The following CLIP3 variants were observed in gnomAD, a reference collection of about 807,000 sequenced individuals.
The protein encoded by CLIP3 is CAP-Gly domain-containing linker protein 3.
CLIP3 carries 15 observed loss-of-function variants against 59.4 expected under a neutral mutation model. The ratio of observed to expected loss-of-function variants is 0.25; its 90% CI spans 0.17 to 0.39. CLIP3 has a LOEUF of 0.39. Among genes scored for constraint, CLIP3 ranks in the 10% least tolerant of loss-of-function variants. CLIP3 has a pLI of 1.00. For missense variants in CLIP3, 495 were observed against 765.7 expected, an observed-to-expected ratio of 0.65 and a Z score of 4.17; for synonymous variants, 300 against 321.6, an observed-to-expected ratio of 0.93 and a Z score of 0.72.
At chr19:36,019,481 G>C (rs1189359304) in intron 7 of CLIP3, 175 bp from the exon 8 acceptor site, 35 of 746,192 alleles carry the variant, frequency 4.7e-5, no homozygotes, top group Non-Finnish European at 6.6e-5. Context: ...AACTTCCTTT[G>C]CTGTGAAATG....
chr19:36,019,426 C>T, intron 7 of CLIP3, 120 bp from the exon 8 acceptor site: 1 of 1,199,782 alleles, frequency 8.3e-7, no homozygotes. Flanking sequence ...CCCCAGGTCA[C>T]ACATCACCAT....
intron 12 of CLIP3, 120 bp downstream of exon 12, chr19:36,017,266 C>A: frequency 1.9e-6 from 2 of 1,038,468 alleles, no homozygotes; most frequent in South Asian, 1.4e-5. Context: ...CATCATTTTC[C>A]TGGACCCTGT....
chr19:36,029,326 G>C (rs908281930), intron 2 of CLIP3, among the ~76,000 whole-genome samples: 3 of 124,786 alleles, frequency 2.4e-5, no homozygotes, highest in African/African-American at 6.6e-5. Flanking sequence ...AAAAAAAATA[G>C]GGTCTGTTGG....
At position 36,024,637 on chromosome 19, in the gene CLIP3, G is replaced by A; in HGVS notation, c.682-5C>T. The A allele has an allele frequency of 6.2e-7, 1 of 1,613,608 alleles. No individual in the cohort carries two copies. The highest frequency in any genetic ancestry group is 8.5e-7 in the Non-Finnish European group (1 of 1,179,720). ...CGGCACCTGTCCTTTTCGATTCTGG[G>A]GGCCAATGGGAAAAGAAGGCAGGGA... On this transcript the variant is annotated splice_polypyrimidine_tract_variant and splice_region_variant and intron_variant, in intron 6 of 13. Coordinates refer to ENST00000360535, the MANE Select transcript of CLIP3 (RefSeq NM_015526.3).
chr19:36,018,726 G>A (rs1379629838), intron 9 of CLIP3, among the ~76,000 whole-genome samples, 172 bp downstream of exon 9: 1 of 152,148 alleles, frequency 6.6e-6, no homozygotes, highest in Non-Finnish European at 1.5e-5. Context: ...CTAAGAACTA[G>A]GGGGTGCCAG....
intron 2 of CLIP3, among the ~76,000 whole-genome samples, chr19:36,030,204 C>T (rs113155914): frequency 6.6e-6 from 1 of 152,046 alleles, no homozygotes; most frequent in African/African-American, 2.4e-5. Flanking sequence ...TACAGGTACC[C>T]ACCATGCCTG....
intron 7 of CLIP3, 47 bp from the exon 8 acceptor site, chr19:36,019,353 C>T (rs1453500316): frequency 6.4e-7 from 1 of 1,570,962 alleles, no homozygotes. Context: ...TGCTGGGAGG[C>T]CAACGTGGAG....
At chr19:36,024,280 G>A in intron 7 of CLIP3, 116 bp downstream of exon 7, 1 of 802,368 alleles carries the variant, frequency 1.2e-6, no homozygotes. Context: ...GGATAGTTAG[G>A]GCGGCAAGTA....
chr19:36,031,571 C>T (rs1415614521), intron 2 of CLIP3, among the ~76,000 whole-genome samples: 1 of 152,094 alleles, frequency 6.6e-6, no homozygotes, highest in African/African-American at 2.4e-5. Context: ...TACCCTCCTA[C>T]CTCAGATCCT....
At chr19:36,019,676 C>T (rs959952267) in intron 7 of CLIP3, among the ~76,000 whole-genome samples, 1 of 151,104 alleles carries the variant, frequency 6.6e-6, no homozygotes, top group African/African-American at 2.4e-5. Flanking sequence ...GATCTCGGCT[C>T]ACTGCAAATT....
intron 2 of CLIP3, 143 bp from the exon 3 acceptor site, chr19:36,027,414 A>G: frequency 1.1e-6 from 1 of 870,560 alleles, no homozygotes; most frequent in South Asian, 2.6e-5. Context: ...GTCAACCCAC[A>G]GGCATTTTCT....
chr19:36,026,146 C>T lies in CLIP3; in HGVS notation c.681+1G>A. On this transcript the variant is annotated splice_donor_variant, in intron 6 of 13. Transcript: ENST00000360535. LOFTEE classifies it high-confidence loss of function. This position sits in a 1 kb window ranked among gnomAD's most constrained non-coding sequence, Gnocchi z 6.3. ...CGGGTTCTGGGCAAGGGTGGCAGTA[C>T]CCTCAGCGCAGGGTTGGCGCCGTGC... 1 of 1,610,260 alleles carries T rather than the reference C, an allele frequency of 6.2e-7. No homozygotes were observed. Among genetic ancestry groups the T allele is most frequent in the Non-Finnish European group, 8.5e-7 (1 of 1,177,046 alleles).
At chr19:36,019,073 C>T (rs576732771) in intron 8 of CLIP3, 47 bp from the exon 9 acceptor site, 26 of 1,589,948 alleles carry the variant, frequency 1.6e-5, no homozygotes, top group Admixed American at 1.5e-4. Context: ...CCTCTGCCCT[C>T]GGCCCCCATC....
In CLIP3 at chr19:36,032,334, CG is replaced by C; in HGVS notation, c.23del (p.Pro8ArgfsTer89). 1 of 1,269,214 alleles carries C rather than the reference CG, an allele frequency of 7.9e-7. No homozygotes were observed. Among genetic ancestry groups the C allele is most frequent in the South Asian group, 3.2e-5 (1 of 30,976 alleles). The allele number at this position is 1,269,214 out of a possible 1,614,324, so 78.6% of individuals were successfully genotyped here. A position where few individuals can be genotyped will look rare whatever the true frequency, so the allele number is the denominator to read the frequency against. On this transcript the variant is annotated frameshift_variant, in exon 2 of 14. Coordinates refer to ENST00000360535, the MANE Select transcript of CLIP3 (RefSeq NM_015526.3). LOFTEE classifies it high-confidence loss of function. The surrounding 1 kb of genome is among the most constrained non-coding windows in gnomAD (Gnocchi z 4.3). Reference sequence around the variant, plus strand: ...CCTCTCCTCGGGGTGGCGGGGCCATCGGGGCAGGATCTGTCTTAGTCATGGT... The same window carrying C: ...CCTCTCCTCGGGGTGGCGGGGCCATCGGGCAGGATCTGTCTTAGTCATGGT... MTKTDPAPMAPPPRGEEE... is the reference protein window; with the variant it reads MTKTDPAXMAPPPRGEEE...
intron 7 of CLIP3, among the ~76,000 whole-genome samples, chr19:36,019,607 A>ATTTTATT (rs1845277309): frequency 1.7e-5 from 2 of 117,578 alleles, no homozygotes; most frequent in Non-Finnish European, 3.7e-5. Flanking sequence ...TATTTTATTT[A>ATTTTATT]TTTTTTTTTT....
chr19:36,024,447 A>G lies in CLIP3; in HGVS notation c.867T>C (p.Leu289=). 6.2e-7 allele frequency: 1 copy of G among 1,614,214 alleles called. No individual in the cohort carries two copies. Among genetic ancestry groups the G allele is most frequent in the Non-Finnish European group, 8.5e-7 (1 of 1,180,036 alleles). Residue 289 remains leucine (L), a synonymous_variant, in exon 7 of 14, where the codon CTT becomes CTC. Coordinates refer to ENST00000360535, the MANE Select transcript of CLIP3 (RefSeq NM_015526.3). ...CTCCCAGGCGCAAGCCCAGTGCGCTAAGCATGAGATTGCCTGGGACGTTGT... is the reference window on the plus strand; with the variant it reads ...CTCCCAGGCGCAAGCCCAGTGCGCTGAGCATGAGATTGCCTGGGACGTTGT... ...NYDNVPGNLM[L]SALGLRLGDR... is the part of the protein sequence containing the mutation.
rs776810803 is a variant in CLIP3 at position 36,018,978 on chromosome 19, G to C, written c.1103C>G (p.Pro368Arg). The C allele has an allele frequency of 1.2e-6, 2 of 1,605,828 alleles. No homozygotes were observed. Among genetic ancestry groups the C allele is most frequent in the African/African-American group, 1.3e-5 (1 of 74,796 alleles). The change falls in exon 9 of 14, where the codon CCC (proline) becomes CGC (arginine). Residue 368 changes from proline to arginine, a missense_variant. Coordinates refer to ENST00000360535, the MANE Select transcript of CLIP3 (RefSeq NM_015526.3). Reference sequence around the variant, plus strand: ...CCGGGGTGTGGAGGTGACAGAGGAGGGGGGTGCGTCCACTGCCTTGGAGAT... The same window carrying C: ...CCGGGGTGTGGAGGTGACAGAGGAGCGGGGTGCGTCCACTGCCTTGGAGAT... Reference protein sequence around the residue: ...SKISKAVDAPPSSVTSTPRTP... With the variant: ...SKISKAVDAPRSSVTSTPRTP...
intron 7 of CLIP3, among the ~76,000 whole-genome samples, chr19:36,021,871 T>A (rs1320096725): frequency 6.6e-6 from 1 of 152,132 alleles, no homozygotes; most frequent in African/African-American, 2.4e-5. Flanking sequence ...GATCTTTTTT[T>A]ATTTTTATTT....
Position 36,016,965 on chromosome 19 carries a change from G to A in CLIP3, c.1531C>T (p.Arg511Cys), listed in dbSNP as rs770381446. ...GGGGTCCGGACTGTGGTGAAGGTGC[G>A]TTTGGGCTGCGTCACTGAAGAGGAG... ...VHQVTMTQPK[R>C]TFTTVRTPKD... The change falls in exon 13 of 14, where the codon CGC (arginine) becomes TGC (cysteine). Residue 511 changes from arginine (R) to cysteine (C), a missense_variant. Transcript: ENST00000360535. This position sits in a 1 kb window ranked among gnomAD's most constrained non-coding sequence, Gnocchi z 4.1. 134 of 1,613,828 alleles carry A rather than the reference G, an allele frequency of 8.3e-5. No individual in the cohort carries two copies. The highest frequency in any genetic ancestry group is 1.1e-4 in the Non-Finnish European group (125 of 1,179,954).
Sources: allele counts gnomAD v4.1 joint callset (sites outside exome capture counted in the v4.1 genomes callset), GRCh38; gene constraint gnomAD v4.1.1; non-coding constraint Gnocchi (gnomAD v3.1); transcripts MANE v1.5; gene names NCBI Gene and HGNC (gene_info 2026-07-23, HGNC 2026-07-21).